The following ZNF618 variants were observed in gnomAD, a reference collection of about 807,000 sequenced individuals.
ZNF618 encodes neural precursor cell expressed, developmentally down-regulated 10.
ZNF618 carries 34 observed loss-of-function variants against 103.0 expected under a neutral mutation model. That is an observed-to-expected ratio of 0.33 (90% CI 0.25 to 0.44). The LOEUF (loss-of-function observed/expected upper bound fraction) is 0.44. Ranked by LOEUF, ZNF618 falls within the 20% of genes least tolerant of loss-of-function variation. The probability of loss-of-function intolerance (pLI) is 1.00; values close to 1 mark genes in which losing one functional copy is unlikely to be tolerated. For synonymous variants in ZNF618, 551 were observed against 542.2 expected (o/e 1.02, Z -0.23); for missense variants, 1,059 against 1,295.4 (o/e 0.82, Z 2.80).
intron 2 of ZNF618, among the ~76,000 whole-genome samples, chr9:113,986,650 A>C (rs545351786): frequency 2.6e-5 from 4 of 152,184 alleles, no homozygotes; most frequent in African/African-American, 9.6e-5. Flanking sequence ...ATTTAACCAC[A>C]CTTAACCTCC....
chr9:113,952,893 G>A (rs1379132120), intron 1 of ZNF618, among the ~76,000 whole-genome samples: 1 of 152,178 alleles, frequency 6.6e-6, no homozygotes, highest in East Asian at 1.9e-4. Context: ...CACATCTCAG[G>A]ACATCAGTTT....
In ZNF618 at chr9:113,988,303, G is replaced by A; in HGVS notation, c.78-18G>A. On this transcript the variant is annotated intron_variant, in intron 2 of 14. Coordinates refer to ENST00000374126, the MANE Select transcript of ZNF618 (RefSeq NM_001318042.2). ...ATCTGGAGGAAGAAGGTATTGAACG[G>A]AGTTTCTTCTTTCCCAGGGAGCGCT... 1.9e-6 allele frequency: 3 copies of A among 1,605,508 alleles called. No individual in the cohort carries two copies. Among genetic ancestry groups the A allele is most frequent in the Non-Finnish European group, 8.5e-7 (1 of 1,176,794 alleles).
chr9:113,900,751 G>C (rs34086505), intron 1 of ZNF618, among the ~76,000 whole-genome samples: 418 of 79,602 alleles, frequency 5.3e-3, no homozygotes, highest in East Asian at 0.027. Flanking sequence ...CCGTCCTCTC[G>C]CGCAAACCCG....
At chr9:114,024,445 G>A (rs1280513739) in intron 10 of ZNF618, among the ~76,000 whole-genome samples, 1 of 152,174 alleles carries the variant, frequency 6.6e-6, no homozygotes, top group South Asian at 2.1e-4. Context: ...CTGTGTTGTT[G>A]ACTTGATTTT....
intron 11 of ZNF618, among the ~76,000 whole-genome samples, chr9:114,032,132 C>T (rs1202300279): frequency 1.3e-5 from 2 of 152,188 alleles, no homozygotes; most frequent in Non-Finnish European, 2.9e-5. Flanking sequence ...GTGGGGCTAC[C>T]CCTGCTCTCC....
chr9:114,011,090 T>C (rs1842199653), intron 9 of ZNF618, among the ~76,000 whole-genome samples: 1 of 152,124 alleles, frequency 6.6e-6, no homozygotes, highest in African/African-American at 2.4e-5. Context: ...GGCAAGAGTT[T>C]TAGAGCCAAC....
chr9:113,990,517 C>T (rs1839943485), intron 3 of ZNF618, among the ~76,000 whole-genome samples: 1 of 152,184 alleles, frequency 6.6e-6, no homozygotes, highest in Admixed American at 6.5e-5. Flanking sequence ...AAAACCACAG[C>T]AGTTTATTTC....
intron 12 of ZNF618, among the ~76,000 whole-genome samples, chr9:114,034,999 A>G (rs1369259089): frequency 6.6e-6 from 1 of 152,012 alleles, no homozygotes; most frequent in South Asian, 2.1e-4. Flanking sequence ...GTAAACCTTG[A>G]TCCTCTGAAA....
At chr9:114,037,922 G>A (rs953377576) in intron 13 of ZNF618, among the ~76,000 whole-genome samples, 7 of 152,142 alleles carry the variant, frequency 4.6e-5, no homozygotes, top group Non-Finnish European at 1.0e-4. Context: ...GGTGTGTCTG[G>A]GTGCTGTGTG....
intron 1 of ZNF618, among the ~76,000 whole-genome samples, chr9:113,960,202 TCTC>T (rs1836716159): frequency 6.6e-6 from 1 of 152,220 alleles, no homozygotes. Flanking sequence ...TGCAGCTTTC[TCTC>T]CTCCACCACC....
intron 9 of ZNF618, among the ~76,000 whole-genome samples, chr9:114,013,767 G>A (rs868581785): frequency 2.0e-5 from 3 of 152,172 alleles, no homozygotes; most frequent in South Asian, 2.1e-4. Flanking sequence ...AGGAATTGGG[G>A]AGGGCTTACA....
chr9:113,952,596 G>A (rs1835885402), intron 1 of ZNF618, among the ~76,000 whole-genome samples: 1 of 152,244 alleles, frequency 6.6e-6, no homozygotes, highest in South Asian at 2.1e-4. Flanking sequence ...GGCCAGATAA[G>A]CTTGGGTTCA....
At chr9:113,923,617 A>G (rs1266221644) in intron 1 of ZNF618, among the ~76,000 whole-genome samples, 1 of 151,874 alleles carries the variant, frequency 6.6e-6, no homozygotes, top group Non-Finnish European at 1.5e-5. Context: ...CCAGTCTTGA[A>G]CTCTAAGAAT....
intron 1 of ZNF618, among the ~76,000 whole-genome samples, chr9:113,945,022 C>T (rs777416939): frequency 8.5e-5 from 13 of 152,154 alleles, no homozygotes; most frequent in African/African-American, 2.7e-4. Context: ...CTCATTTGAT[C>T]GTGTCGTGAT....
At chr9:113,977,839 C>G (rs1287985112) in intron 2 of ZNF618, among the ~76,000 whole-genome samples, 1 of 152,152 alleles carries the variant, frequency 6.6e-6, no homozygotes, top group Non-Finnish European at 1.5e-5. Context: ...GACAAGATTG[C>G]CCAAGACTCT....
intron 2 of ZNF618, among the ~76,000 whole-genome samples, chr9:113,979,363 A>T (rs1268796182): frequency 1.3e-5 from 2 of 152,218 alleles, no homozygotes; most frequent in Non-Finnish European, 2.9e-5. Flanking sequence ...GTATCTTGGC[A>T]TTTCAGAAAG....
At chr9:113,948,262 T>C (rs1235748672) in intron 1 of ZNF618, among the ~76,000 whole-genome samples, 4 of 152,218 alleles carry the variant, frequency 2.6e-5, no homozygotes, top group Non-Finnish European at 5.9e-5. Flanking sequence ...CAGGCAGAAC[T>C]GATTCCTCCC....
At chr9:113,942,575 C>T (rs1033752571) in intron 1 of ZNF618, among the ~76,000 whole-genome samples, 2 of 152,112 alleles carry the variant, frequency 1.3e-5, no homozygotes, top group Non-Finnish European at 2.9e-5. Context: ...ACCTGTGTTT[C>T]CCCAGGCACT....
Position 114,024,334 on chromosome 9 carries a change from T to C in ZNF618, c.845-4399T>C, listed in dbSNP as rs576923665. ...TTATTTTTCATCTTTCCTTGTCATT[T>C]CTGTATGTTTCTGTTAATTGGTTTT... On this transcript the variant is annotated intron_variant, in intron 10 of 14. Transcript: ENST00000374126. Among the ~76,000 whole-genome samples the C allele has an allele frequency of 3.3e-5, 5 of 152,348 alleles. No homozygotes were observed. The East Asian group carries it at 7.7e-4, about 24-fold the overall frequency.
Sources: gnomAD v4.1 joint callset for allele counts (sites outside exome capture counted in the v4.1 genomes callset) on GRCh38, gnomAD v4.1.1 for gene constraint, MANE v1.5 for transcripts, NCBI Gene and HGNC (gene_info 2026-07-23, HGNC 2026-07-21) for gene names.